The following SLC9D1 variants were observed in gnomAD, a reference collection of about 807,000 sequenced individuals.
SLC9D1 encodes solute carrier family 9 member D1, also known as putative LAG1-interacting protein.
the SLC9D1 span, chr13:113,503,382 TGTA>T: frequency 4.7e-6 from 3 of 635,136 alleles, no homozygotes; most frequent in Non-Finnish European, 5.6e-6. Context: ...TGTGTGTGTG[TGTA>T]TGTGTGTTTT....
the SLC9D1 span, chr13:113,495,656 C>CGAGGAGGTGGCGCA: frequency 4.4e-6 from 7 of 1,601,548 alleles, no homozygotes; most frequent in Non-Finnish European, 6.0e-6. Context: ...CTGTGGAGCA[C>CGAGGAGGTGGCGCA]GAGGAGGTGG....
chr13:113,545,758 A>G, the SLC9D1 span: 1 of 153,142 alleles, frequency 6.5e-6, no homozygotes, highest in Non-Finnish European at 1.5e-5. Context: ...AGATGCAGGG[A>G]CACAGCTGTC....
the SLC9D1 span, among the ~76,000 whole-genome samples, chr13:113,512,776 T>G: frequency 1.6e-5 from 2 of 123,090 alleles, no homozygotes; most frequent in East Asian, 4.8e-4. Flanking sequence ...GAGCCCCAGG[T>G]GCTGGGACTG....
the SLC9D1 span, among the ~76,000 whole-genome samples, chr13:113,493,815 C>T: frequency 3.9e-5 from 6 of 152,238 alleles, no homozygotes; most frequent in East Asian, 1.2e-3. Context: ...TAACACAGTA[C>T]TGTCTTCAGG....
the SLC9D1 span, chr13:113,500,222 T>C: frequency 1.0e-6 from 1 of 1,001,988 alleles, no homozygotes; most frequent in African/African-American, 1.7e-5. Context: ...CCGAGCTTTA[T>C]CTTCTGAACA....
the SLC9D1 span, among the ~76,000 whole-genome samples, chr13:113,517,631 T>C: frequency 6.6e-6 from 1 of 152,176 alleles, no homozygotes. Flanking sequence ...TCAACATGGA[T>C]AATTTGCAGA....
chr13:113,528,074 T>C, the SLC9D1 span: 1 of 152,260 alleles, frequency 6.6e-6, no homozygotes, highest in Non-Finnish European at 1.5e-5. Flanking sequence ...TTGTGGCCTT[T>C]TGAAGCGTTT....
chr13:113,506,983 C>T, the SLC9D1 span, among the ~76,000 whole-genome samples: 1 of 151,852 alleles, frequency 6.6e-6, no homozygotes, highest in African/African-American at 2.4e-5. Context: ...GTAAGTTGTG[C>T]TCAGCTGCCC....
the SLC9D1 span, among the ~76,000 whole-genome samples, chr13:113,516,423 G>A: frequency 6.6e-6 from 1 of 151,920 alleles, no homozygotes; most frequent in African/African-American, 2.4e-5. Flanking sequence ...AAATTAGCCG[G>A]GCATGGTGGC....
the SLC9D1 span, chr13:113,530,267 A>G: frequency 6.6e-6 from 1 of 152,232 alleles, no homozygotes; most frequent in Admixed American, 6.5e-5. Context: ...GGATGATGAA[A>G]GTATTCTAAC....
chr13:113,520,561 C>A, the SLC9D1 span: 1 of 1,247,682 alleles, frequency 8.0e-7, no homozygotes, highest in Non-Finnish European at 1.2e-6. Flanking sequence ...AATATTTTGA[C>A]TTTGGATACT....
At chr13:113,499,462 G>A in the SLC9D1 span, among the ~76,000 whole-genome samples, 2 of 152,172 alleles carry the variant, frequency 1.3e-5, no homozygotes, top group Non-Finnish European at 2.9e-5. Context: ...TGTAACAGGG[G>A]AACATTGAAC....
the SLC9D1 span, chr13:113,503,504 G>A: frequency 6.2e-7 from 1 of 1,611,132 alleles, no homozygotes; most frequent in South Asian, 1.1e-5. Context: ...AGTCTATTGT[G>A]CAAGTGGAGA....
chr13:113,534,358 A>G, the SLC9D1 span: 1 of 856,556 alleles, frequency 1.2e-6, no homozygotes, highest in African/African-American at 1.7e-5. Context: ...TGAAACATTT[A>G]CTAGTATTTT....
the SLC9D1 span, chr13:113,501,833 A>G: frequency 6.2e-7 from 1 of 1,611,960 alleles, no homozygotes; most frequent in Non-Finnish European, 8.5e-7. Flanking sequence ...GTTTGGTTAT[A>G]TTATTTGTGG....
the SLC9D1 span, chr13:113,534,649 G>T: frequency 4.6e-6 from 1 of 216,174 alleles, no homozygotes; most frequent in Non-Finnish European, 9.1e-6. Flanking sequence ...AACCAGCTGG[G>T]GCGTGGTCGC....
the SLC9D1 span, chr13:113,491,380 T>TC: frequency 6.7e-6 from 1 of 148,204 alleles, no homozygotes; most frequent in African/African-American, 2.5e-5. Context: ...TCACCTTCCC[T>TC]TCTTCCCTTC....
the SLC9D1 span, among the ~76,000 whole-genome samples, chr13:113,538,596 G>A: frequency 6.6e-6 from 1 of 152,270 alleles, no homozygotes; most frequent in Non-Finnish European, 1.5e-5. Flanking sequence ...GTGGGTCTCT[G>A]TGTCTTGCAG....
At chr13:113,507,549 C>T in the SLC9D1 span, among the ~76,000 whole-genome samples, 2 of 152,202 alleles carry the variant, frequency 1.3e-5, no homozygotes, top group African/African-American at 4.8e-5. Flanking sequence ...CTACTTGGAA[C>T]ACTGAAGCCC....
Sources: allele counts gnomAD v4.1 joint callset (sites outside exome capture counted in the v4.1 genomes callset), GRCh38; gene constraint gnomAD v4.1.1; transcripts MANE v1.5; gene names NCBI Gene and HGNC (gene_info 2026-07-23, HGNC 2026-07-21).